The following TSNARE1 variants were observed in gnomAD, a reference collection of about 807,000 sequenced individuals.
The protein encoded by TSNARE1 is t-SNARE domain containing 1, also known as t-SNARE domain-containing protein 1.
A neutral mutation model predicts 62.0 loss-of-function variants in TSNARE1; 49 were observed. That is an observed-to-expected ratio of 0.79 (90% CI 0.63 to 1.00). TSNARE1 has a LOEUF of 1.00. Among genes scored for constraint, TSNARE1 ranks in the 50% least tolerant of loss-of-function variants. TSNARE1 has a pLI of 0.00. For synonymous variants in TSNARE1, 328 were observed against 294.4 expected (o/e 1.11, Z -1.17); for missense variants, 755 against 700.1 (o/e 1.08, Z -0.88).
intron 1 of TSNARE1, among the ~76,000 whole-genome samples, chr8:142,392,627 C>T (rs1027621329): frequency 1.3e-5 from 2 of 152,188 alleles, no homozygotes; most frequent in Non-Finnish European, 2.9e-5. Context: ...TTATGCTTCA[C>T]GTGACTGTGT....
At chr8:142,269,781 C>T in intron 12 of TSNARE1, 1 of 985,462 alleles carries the variant, frequency 1.0e-6, no homozygotes, top group Middle Eastern at 5.2e-4. Flanking sequence ...CCAGAACCAA[C>T]AGCAGCACCA....
At chr8:142,282,357 G>C (rs1333774269) in intron 11 of TSNARE1, among the ~76,000 whole-genome samples, 1 of 152,372 alleles carries the variant, frequency 6.6e-6, no homozygotes, top group African/African-American at 2.4e-5. Flanking sequence ...GTGGAGGCTA[G>C]TATCTGTCAA....
chr8:142,346,719 G>C (rs1310683599), intron 2 of TSNARE1, among the ~76,000 whole-genome samples: 1 of 152,204 alleles, frequency 6.6e-6, no homozygotes, highest in Non-Finnish European at 1.5e-5. Context: ...AGCCACATCC[G>C]CGGCCTCCAG....
In TSNARE1 at chr8:142,272,513, G is replaced by A. The variant is rs549681516; in HGVS notation, c.1446+2268C>T. On this transcript the variant is annotated intron_variant, in intron 12 of 13. Transcript: ENST00000524325. ...TCCTTCTTCCATCCATCCACCACCCGTCTACAGCTTCCTCCTTCCATCTAC... is the reference window on the plus strand; with the variant it reads ...TCCTTCTTCCATCCATCCACCACCCATCTACAGCTTCCTCCTTCCATCTAC... 145 of 247,874 alleles carry A rather than the reference G, an allele frequency of 5.8e-4. 1 individual carries two copies. Among genetic ancestry groups the A allele is most frequent in the Middle Eastern group, 2.5e-3 (1 of 406 alleles). The allele number at this position is 247,874 out of a possible 1,614,324, so 15.4% of individuals were successfully genotyped here.
At chr8:142,276,445 T>A (rs1217474338) in intron 11 of TSNARE1, 2 of 985,338 alleles carry the variant, frequency 2.0e-6, no homozygotes, top group Non-Finnish European at 1.2e-6. Flanking sequence ...AATGCCCCGC[T>A]CACGTGCAAA....
chr8:142,282,697 G>A (rs1258408483), intron 11 of TSNARE1, among the ~76,000 whole-genome samples: 17 of 150,092 alleles, frequency 1.1e-4, no homozygotes, highest in Non-Finnish European at 1.2e-4. Context: ...GAGCAGAGGC[G>A]GGGCCAGTGT....
chr8:142,277,916 C>A (rs1231320877), intron 11 of TSNARE1: 1 of 985,304 alleles, frequency 1.0e-6, no homozygotes, highest in Non-Finnish European at 1.2e-6. Context: ...TCCTTCTCAG[C>A]CCCACACCAC....
chr8:142,393,347 G>A (rs879919738), intron 1 of TSNARE1, among the ~76,000 whole-genome samples: 7 of 152,246 alleles, frequency 4.6e-5, no homozygotes, highest in Non-Finnish European at 8.8e-5. Context: ...CATGGCAGAA[G>A]CAAGGTAGGC....
chr8:142,330,777 C>G, intron 6 of TSNARE1, 124 bp downstream of exon 6: 2 of 927,564 alleles, frequency 2.2e-6, no homozygotes, highest in Non-Finnish European at 3.4e-6. Flanking sequence ...CATGTGTGTC[C>G]AGGCAGCTGT....
At chr8:142,398,710 G>A (rs1172532113) in intron 1 of TSNARE1, among the ~76,000 whole-genome samples, 1 of 152,194 alleles carries the variant, frequency 6.6e-6, no homozygotes, top group African/African-American at 2.4e-5. Flanking sequence ...TAGTCTCACA[G>A]AACATTACAC....
At chr8:142,379,384 A>G (rs1426864058) in intron 1 of TSNARE1, among the ~76,000 whole-genome samples, 1 of 152,184 alleles carries the variant, frequency 6.6e-6, no homozygotes, top group Non-Finnish European at 1.5e-5. Context: ...GTCTGGGGCC[A>G]GCCAGCAGGG....
intron 12 of TSNARE1, among the ~76,000 whole-genome samples, chr8:142,252,187 C>T (rs539218526): frequency 6.6e-5 from 10 of 152,350 alleles, no homozygotes; most frequent in South Asian, 4.1e-4. Context: ...GATATCTGGG[C>T]GGTTTGTTTG....
At chr8:142,245,788 C>T (rs1251992573) in intron 12 of TSNARE1, among the ~76,000 whole-genome samples, 2 of 152,060 alleles carry the variant, frequency 1.3e-5, no homozygotes, top group Non-Finnish European at 2.9e-5. Flanking sequence ...CTCCCAGGAG[C>T]AAGCAGTGGT....
At chr8:142,334,259 T>C (rs1563934733) in intron 4 of TSNARE1, among the ~76,000 whole-genome samples, 1 of 152,254 alleles carries the variant, frequency 6.6e-6, no homozygotes, top group East Asian at 1.9e-4. Context: ...ATGGCTGTGC[T>C]GGAGTCTCTG....
At chr8:142,236,387 G>A (rs891660904) in intron 12 of TSNARE1, among the ~76,000 whole-genome samples, 10 of 151,894 alleles carry the variant, frequency 6.6e-5, no homozygotes, top group African/African-American at 2.4e-4. Flanking sequence ...CCCAGGACTG[G>A]GACTCTCACC....
At position 142,343,932 on chromosome 8, in the gene TSNARE1, C is replaced by T. The variant is rs113544966; in HGVS notation, c.745+34G>A. On this transcript the variant is annotated intron_variant, in intron 4 of 13. Coordinates refer to ENST00000524325, the MANE Select transcript of TSNARE1 (RefSeq NM_145003.5). ...CCCCCCCTCCTGCTGGACAGAGTGG[C>T]ACCCTAGCAAGGTGAGCTGAGCAAG... 8,474 of 1,493,402 alleles carry T rather than the reference C, an allele frequency of 5.7e-3. 350 individuals carry two copies. In the African/African-American group the frequency reaches 0.095, roughly 17 times the overall value. 92.5% of individuals were successfully genotyped at this position (1,493,402 alleles called of 1,614,324 possible). A position where few individuals can be genotyped will look rare whatever the true frequency, so the allele number is the denominator to read the frequency against.
chr8:142,329,068 G>A (rs1324698621), intron 6 of TSNARE1, among the ~76,000 whole-genome samples: 3 of 152,320 alleles, frequency 2.0e-5, no homozygotes, highest in East Asian at 3.9e-4. Context: ...TGGCAACTTC[G>A]TCAATGTGGA....
At chr8:142,277,616 C>T in intron 11 of TSNARE1, 1 of 985,424 alleles carries the variant, frequency 1.0e-6, no homozygotes, top group Non-Finnish European at 1.2e-6. Context: ...CTGGCCCTGT[C>T]CTAAGCACTC....
intron 9 of TSNARE1, among the ~76,000 whole-genome samples, chr8:142,310,054 G>T (rs1827323168): frequency 6.6e-6 from 1 of 151,702 alleles, no homozygotes; most frequent in Non-Finnish European, 1.5e-5. Flanking sequence ...TGTAGGACTG[G>T]TAATGATCTA....
Sources: gnomAD v4.1 joint callset for allele counts (sites outside exome capture counted in the v4.1 genomes callset) on GRCh38, gnomAD v4.1.1 for gene constraint, MANE v1.5 for transcripts, NCBI Gene and HGNC (gene_info 2026-07-23, HGNC 2026-07-21) for gene names.